Variants in MSRB3 observed in about 807,000 individuals in gnomAD.
MSRB3 encodes methionine-R-sulfoxide reductase B3.
Under a neutral mutation model 21.0 loss-of-function variants are expected in MSRB3, and 13 were observed. The observed-to-expected ratio is 0.62, with a 90% CI of 0.40 to 0.98. The LOEUF (loss-of-function observed/expected upper bound fraction) is 0.98. Ranked by LOEUF, MSRB3 falls within the 50% of genes least tolerant of loss-of-function variation. The pLI is 0.00. For synonymous variants in MSRB3, 87 were observed against 88.6 expected (o/e 0.98, Z 0.10); for missense variants, 199 against 230.3 (o/e 0.86, Z 0.88).
intron 4 of MSRB3, among the ~76,000 whole-genome samples, chr12:65,352,282 C>G (rs1170911595): frequency 6.6e-6 from 1 of 152,070 alleles, no homozygotes; most frequent in Non-Finnish European, 1.5e-5. Flanking sequence ...GCTAAAAACT[C>G]TCAGTAAATT....
intron 4 of MSRB3, among the ~76,000 whole-genome samples, chr12:65,347,296 T>G (rs1006526610): frequency 2.0e-5 from 3 of 152,192 alleles, no homozygotes; most frequent in African/African-American, 7.2e-5. Flanking sequence ...GAAGAGATCC[T>G]TCACGTCCCT....
At chr12:65,401,862 G>T (rs573664369) in intron 5 of MSRB3, among the ~76,000 whole-genome samples, 1 of 151,970 alleles carries the variant, frequency 6.6e-6, no homozygotes, top group Admixed American at 6.5e-5. Flanking sequence ...TTTCTTTTTT[G>T]CTTATGAAGC....
intron 4 of MSRB3, among the ~76,000 whole-genome samples, chr12:65,330,234 T>C (rs1875320840): frequency 6.6e-6 from 1 of 152,202 alleles, no homozygotes; most frequent in South Asian, 2.1e-4. Context: ...TGTGAGATTT[T>C]TGAGTCACAA....
At chr12:65,376,691 G>A (rs964937280) in intron 5 of MSRB3, among the ~76,000 whole-genome samples, 2 of 151,860 alleles carry the variant, frequency 1.3e-5, no homozygotes, top group South Asian at 4.2e-4. Context: ...GGGGTGGGGG[G>A]ATAGGGGAGG....
chr12:65,332,538 T>C (rs1363314762), intron 4 of MSRB3, among the ~76,000 whole-genome samples: 2 of 152,216 alleles, frequency 1.3e-5, no homozygotes, highest in South Asian at 2.1e-4. Flanking sequence ...TTAATGTAAA[T>C]GACAAGTTAA....
intron 1 of MSRB3, among the ~76,000 whole-genome samples, chr12:65,299,098 TC>T: frequency 6.6e-6 from 1 of 152,328 alleles, no homozygotes. Flanking sequence ...GTCTCACTCC[TC>T]TGAAGTCATG....
intron 5 of MSRB3, among the ~76,000 whole-genome samples, chr12:65,390,082 T>A (rs1879396858): frequency 6.6e-6 from 1 of 152,228 alleles, no homozygotes; most frequent in African/African-American, 2.4e-5. Flanking sequence ...CTCCTTTCTA[T>A]ATGCTTGGAG....
intron 2 of MSRB3, among the ~76,000 whole-genome samples, chr12:65,324,632 AAG>A (rs774291363): frequency 1.3e-5 from 2 of 152,206 alleles, no homozygotes; most frequent in African/African-American, 4.8e-5. Flanking sequence ...CTCTTCGGAA[AAG>A]AGAGATTCAT....
chr12:65,387,400 A>G (rs1228689070), intron 5 of MSRB3, among the ~76,000 whole-genome samples: 1 of 151,888 alleles, frequency 6.6e-6, no homozygotes, highest in Non-Finnish European at 1.5e-5. Flanking sequence ...GAATATTTCT[A>G]TCTGTATTTT....
At chr12:65,365,607 G>A (rs1877965235) in intron 4 of MSRB3, among the ~76,000 whole-genome samples, 1 of 152,076 alleles carries the variant, frequency 6.6e-6, no homozygotes, top group South Asian at 2.1e-4. Flanking sequence ...TTTTTACATG[G>A]TGACTTATTA....
At chr12:65,329,385 C>G (rs1467653020) in intron 4 of MSRB3, among the ~76,000 whole-genome samples, 1 of 152,132 alleles carries the variant, frequency 6.6e-6, no homozygotes. Context: ...TGTGGTGGCC[C>G]AGGCCTGCAA....
chr12:65,322,660 C>CAAAAAAAAAAAAAAA (rs34770864), intron 2 of MSRB3, among the ~76,000 whole-genome samples: 1 of 87,622 alleles, frequency 1.1e-5, no homozygotes. Flanking sequence ...GACTCCATCT[C>CAAAAAAAAAAAAAAA]AAAAAAAAAA....
chr12:65,420,993 T>C (rs1240277703), intron 5 of MSRB3, among the ~76,000 whole-genome samples: 1 of 152,204 alleles, frequency 6.6e-6, no homozygotes, highest in Non-Finnish European at 1.5e-5. Flanking sequence ...GTAGTGAAAC[T>C]GCTGGGTGTA....
rs969186930 is a variant in MSRB3 at position 65,306,807 on chromosome 12, T to G, written c.-51-1722T>G. ...ATCATGCTGGAGGGCTCCCGGTATT[T>G]GTGGCCCTCAGGTTTTAATTGTAGA... On this transcript the variant is annotated intron_variant, in intron 1 of 6. Coordinates refer to ENST00000308259, the MANE Select transcript of MSRB3 (RefSeq NM_001031679.3). The G allele has an allele frequency of 1.2e-5, 12 of 967,730 alleles. No individual in the cohort carries two copies. In the African/African-American group the frequency reaches 2.1e-4, roughly 17 times the overall value. 59.9% of individuals were successfully genotyped at this position (967,730 alleles called of 1,614,324 possible). A position where few individuals can be genotyped will look rare whatever the true frequency, so the allele number is the denominator to read the frequency against.
chr12:65,430,397 C>T (rs1346758960), intron 5 of MSRB3, among the ~76,000 whole-genome samples: 1 of 152,166 alleles, frequency 6.6e-6, no homozygotes, highest in Non-Finnish European at 1.5e-5. Flanking sequence ...GTACATTATA[C>T]TCTGTTTGTC....
At chr12:65,462,016 G>C (rs1044065187) in intron 6 of MSRB3, among the ~76,000 whole-genome samples, 1 of 152,056 alleles carries the variant, frequency 6.6e-6, no homozygotes, top group Non-Finnish European at 1.5e-5. Flanking sequence ...CTTGTGTACT[G>C]TCTGTCTCTC....
intron 5 of MSRB3, among the ~76,000 whole-genome samples, chr12:65,371,637 A>T (rs900748285): frequency 1.3e-5 from 2 of 152,044 alleles, no homozygotes; most frequent in Admixed American, 6.5e-5. Context: ...CACACAAAGT[A>T]TATCAAGGAA....
intron 5 of MSRB3, among the ~76,000 whole-genome samples, chr12:65,422,144 A>G (rs535603550): frequency 6.6e-6 from 1 of 151,970 alleles, no homozygotes; most frequent in African/African-American, 2.4e-5. Context: ...AGGGCATTAC[A>G]TAATGGCAAA....
intron 4 of MSRB3, among the ~76,000 whole-genome samples, chr12:65,352,199 C>T (rs925932741): frequency 4.6e-5 from 7 of 152,080 alleles, no homozygotes; most frequent in Non-Finnish European, 8.8e-5. Flanking sequence ...ATAAACAGAG[C>T]CAACGACAAA....
Sources: allele counts gnomAD v4.1 joint callset (sites outside exome capture counted in the v4.1 genomes callset), GRCh38; gene constraint gnomAD v4.1.1; transcripts MANE v1.5; gene names NCBI Gene and HGNC (gene_info 2026-07-23, HGNC 2026-07-21).